Variants in ROBO2 observed in about 807,000 individuals in gnomAD.
ROBO2 encodes the protein roundabout homolog 2.
A neutral mutation model predicts 160.8 loss-of-function variants in ROBO2; 53 were observed. The ratio of observed to expected loss-of-function variants is 0.33; its 90% CI spans 0.26 to 0.41. The LOEUF is 0.41. Ranked by LOEUF, ROBO2 falls within the 10% of genes least tolerant of loss-of-function variation. The pLI is 1.00. For missense variants in ROBO2, 1,577 were observed against 1,722.4 expected (o/e 0.92, Z 1.49); for synonymous variants, 664 against 611.7 (o/e 1.09, Z -1.26).
At chr3:77,074,212 G>A (rs776179686) in intron 1 of ROBO2, among the ~76,000 whole-genome samples, 11 of 152,120 alleles carry the variant, frequency 7.2e-5, no homozygotes, top group Admixed American at 2.6e-4. Flanking sequence ...AATGTTAGTG[G>A]GTGAGGTAAT....
At chr3:77,367,158 T>C (rs1485088400) in intron 2 of ROBO2, among the ~76,000 whole-genome samples, 1 of 152,162 alleles carries the variant, frequency 6.6e-6, no homozygotes. Context: ...ATACCACTCA[T>C]TGGAACTGCA....
chr3:75,995,430 A>G (rs2065697795), intron 2 of ROBO2, among the ~76,000 whole-genome samples: 1 of 152,162 alleles, frequency 6.6e-6, no homozygotes, highest in South Asian at 2.1e-4. Flanking sequence ...GCCCATTGGT[A>G]TACAAAAGTT....
At chr3:75,915,669 A>G (rs2106776732) in intron 1 of ROBO2, among the ~76,000 whole-genome samples, 1 of 152,314 alleles carries the variant, frequency 6.6e-6, no homozygotes, top group African/African-American at 2.4e-5. Flanking sequence ...GCAAGGCTAG[A>G]GGACTCATGT....
At chr3:76,087,357 G>T (rs560942366) in intron 2 of ROBO2, among the ~76,000 whole-genome samples, 67 of 151,902 alleles carry the variant, frequency 4.4e-4, no homozygotes, top group African/African-American at 1.5e-3. Flanking sequence ...GAAGAGAATG[G>T]GTTTAAATAT....
At chr3:76,784,177 T>G (rs894331006) in intron 2 of ROBO2, among the ~76,000 whole-genome samples, 4 of 151,200 alleles carry the variant, frequency 2.6e-5, no homozygotes, top group African/African-American at 9.7e-5. Flanking sequence ...TGATGATTCA[T>G]GTTCCTTGAA....
At chr3:76,405,639 C>A (rs146449206) in intron 2 of ROBO2, among the ~76,000 whole-genome samples, 2,289 of 151,740 alleles carry the variant, frequency 0.015, 43 homozygotes, top group South Asian at 0.042. Flanking sequence ...TCATTAAGAA[C>A]TAAGGTTGTG....
chr3:76,114,506 T>C (rs531593228), intron 2 of ROBO2, among the ~76,000 whole-genome samples: 1 of 152,288 alleles, frequency 6.6e-6, no homozygotes, highest in Non-Finnish European at 1.5e-5. Context: ...ATTATTTATA[T>C]GCATTATTTA....
chr3:77,602,133 T>C, intron 19 of ROBO2, 77 bp from the exon 21 acceptor site: 14 of 1,445,186 alleles, frequency 9.7e-6, no homozygotes, highest in South Asian at 2.3e-5. Flanking sequence ...GACACACTTA[T>C]TTTTCATCTT....
chr3:76,206,770 G>A lies in ROBO2; in HGVS notation c.109+269168G>A, dbSNP rs919824643. ...CCTCACCTTTATCCTTTATAAAAGG[G>A]GATTCTAATACATCCCCCATGGAAG... On this transcript the variant is annotated intron_variant, in intron 2 of 26. Transcript: ENST00000487694. Among the ~76,000 whole-genome samples the A allele has an allele frequency of 3.9e-5, 6 of 152,058 alleles. No homozygotes were observed. In the East Asian group the frequency reaches 1.2e-3, roughly 29 times the overall value.
At chr3:76,114,897 G>A (rs1012054462) in intron 2 of ROBO2, among the ~76,000 whole-genome samples, 2 of 152,056 alleles carry the variant, frequency 1.3e-5, no homozygotes, top group African/African-American at 4.8e-5. Flanking sequence ...AATACTAAAT[G>A]CAAATTGTCT....
chr3:77,134,603 C>T (rs113349594), intron 2 of ROBO2, among the ~76,000 whole-genome samples: 1,958 of 152,200 alleles, frequency 0.013, 39 homozygotes, highest in African/African-American at 0.044. Flanking sequence ...ACAGCTCTGC[C>T]GTGAGGATAT....
intron 2 of ROBO2, among the ~76,000 whole-genome samples, chr3:76,938,613 C>G (rs1487014019): frequency 2.0e-5 from 3 of 152,064 alleles, no homozygotes; most frequent in Admixed American, 6.6e-5. Flanking sequence ...GCCAGCTGCT[C>G]CTCTGGGTCT....
At chr3:77,228,857 C>G (rs552792337) in intron 2 of ROBO2, among the ~76,000 whole-genome samples, 8 of 152,284 alleles carry the variant, frequency 5.3e-5, no homozygotes, top group African/African-American at 1.9e-4. Flanking sequence ...CTGAAATGCT[C>G]AAGTCCAGGT....
At chr3:76,965,791 A>ATATG (rs1559774719) in intron 2 of ROBO2, among the ~76,000 whole-genome samples, 1 of 144,760 alleles carries the variant, frequency 6.9e-6, no homozygotes, top group Non-Finnish European at 1.5e-5. Flanking sequence ...TTGTGTATAT[A>ATATG]TATATATATA....
chr3:76,399,788 C>T (rs866345764), intron 2 of ROBO2, among the ~76,000 whole-genome samples: 13 of 151,756 alleles, frequency 8.6e-5, no homozygotes, highest in Middle Eastern at 6.8e-3. Flanking sequence ...TGAATGTTTT[C>T]TTGTAGAATA....
At chr3:76,179,493 C>G (rs147354886) in intron 2 of ROBO2, among the ~76,000 whole-genome samples, 2 of 152,090 alleles carry the variant, frequency 1.3e-5, no homozygotes, top group South Asian at 2.1e-4. Flanking sequence ...AATCATTGAG[C>G]CTTATCAGTT....
chr3:76,810,943 A>G (rs141251933), intron 2 of ROBO2, among the ~76,000 whole-genome samples: 55 of 152,286 alleles, frequency 3.6e-4, no homozygotes, highest in South Asian at 6.2e-4. Context: ...TTTATTAATA[A>G]GATGCAAGTT....
At chr3:75,978,188 C>T (rs2065181856) in intron 2 of ROBO2, among the ~76,000 whole-genome samples, 1 of 151,512 alleles carries the variant, frequency 6.6e-6, no homozygotes, top group East Asian at 1.9e-4. Context: ...GGTGCCTCCA[C>T]TTAAAAACTG....
chr3:77,562,760 C>A, intron 10 of ROBO2, 28 bp downstream of exon 11: 5 of 1,507,312 alleles, frequency 3.3e-6, no homozygotes, highest in Non-Finnish European at 4.6e-6. Context: ...TAGGAGAAAT[C>A]TTGGGCCCCT....
Sources: gnomAD v4.1 joint callset for allele counts (sites outside exome capture counted in the v4.1 genomes callset) on GRCh38, gnomAD v4.1.1 for gene constraint, MANE v1.5 for transcripts, NCBI Gene and HGNC (gene_info 2026-07-23, HGNC 2026-07-21) for gene names.